Variants in SORCS2 observed in about 807,000 individuals in gnomAD.
SORCS2 encodes VPS10 domain-containing receptor SorCS2.
A neutral mutation model predicts 141.6 loss-of-function variants in SORCS2; 100 were observed. The ratio of observed to expected loss-of-function variants is 0.71; its 90% CI spans 0.60 to 0.83. The LOEUF (loss-of-function observed/expected upper bound fraction) is 0.83, where lower values mean the gene tolerates loss of function less well. Ranked by LOEUF, SORCS2 falls within the 40% of genes least tolerant of loss-of-function variation. The pLI, the probability that SORCS2 is intolerant of heterozygous loss-of-function variation, is 0.00. For synonymous variants in SORCS2, 789 were observed against 676.9 expected, an observed-to-expected ratio of 1.17 and a Z score of -2.57; for missense variants, 1,646 against 1,560.2, an observed-to-expected ratio of 1.05 and a Z score of -0.93.
At chr4:7,488,205 T>C (rs1365116192) in intron 2 of SORCS2, among the ~76,000 whole-genome samples, 1 of 152,194 alleles carries the variant, frequency 6.6e-6, no homozygotes, top group African/African-American at 2.4e-5. Flanking sequence ...GGCTGTCTGC[T>C]CTCCCCTGTC....
At chr4:7,619,098 T>TC (rs1718969251) in intron 3 of SORCS2, among the ~76,000 whole-genome samples, 1 of 152,138 alleles carries the variant, frequency 6.6e-6, no homozygotes, top group Non-Finnish European at 1.5e-5. Context: ...TCTGGGCAAG[T>TC]TGGTGAGCCT....
At chr4:7,417,017 C>G (rs749528397) in intron 2 of SORCS2, among the ~76,000 whole-genome samples, 6 of 152,208 alleles carry the variant, frequency 3.9e-5, no homozygotes, top group Non-Finnish European at 7.3e-5. Context: ...GTCTCCTGCT[C>G]TTTGCATTAA....
intron 4 of SORCS2, among the ~76,000 whole-genome samples, chr4:7,640,726 A>G (rs1273966968): frequency 6.6e-6 from 1 of 151,936 alleles, no homozygotes; most frequent in African/African-American, 2.4e-5. Context: ...TTTGGGGGCC[A>G]CTCTGAACCT....
At chr4:7,571,186 G>A (rs1420178847) in intron 3 of SORCS2, among the ~76,000 whole-genome samples, 2 of 152,218 alleles carry the variant, frequency 1.3e-5, no homozygotes, top group African/African-American at 4.8e-5. Context: ...TACTCGTTAG[G>A]TTTTTCCGCA....
chr4:7,533,008 C>T (rs1711789362), intron 3 of SORCS2, among the ~76,000 whole-genome samples: 1 of 151,832 alleles, frequency 6.6e-6, no homozygotes, highest in African/African-American at 2.4e-5. Context: ...CTGAGCCAGC[C>T]CCTGCTTCTT....
chr4:7,561,617 CGTCT>C (rs1186514002), intron 3 of SORCS2, among the ~76,000 whole-genome samples: 6 of 148,980 alleles, frequency 4.0e-5, no homozygotes, highest in South Asian at 2.1e-4. Context: ...TCTACCCATC[CGTCT>C]ATCTACCCAT....
rs547724333 is a variant in SORCS2 at position 7,579,519 on chromosome 4, C to G, written c.648+47890C>G. Among the ~76,000 whole-genome samples the G allele has an allele frequency of 4.2e-4, 64 of 152,272 alleles. 1 individual carries two copies. Among genetic ancestry groups the G allele is most frequent in the African/African-American group, 1.5e-3 (63 of 41,558 alleles). On this transcript the variant is annotated intron_variant, in intron 3 of 26. Coordinates refer to ENST00000507866, the MANE Select transcript of SORCS2 (RefSeq NM_020777.3). ...CAAGTGGAGGAGCCAGGACTGGAAC[C>G]CTCCCCTTGGTCCTCCGACCTCCTT...
intron 1 of SORCS2, among the ~76,000 whole-genome samples, chr4:7,331,598 C>CT: frequency 6.6e-6 from 1 of 152,210 alleles, no homozygotes; most frequent in Non-Finnish European, 1.5e-5. Context: ...AGGGAAGGGC[C>CT]TGTCTTTAAG....
At chr4:7,662,266 C>T (rs1000919392) in intron 6 of SORCS2, among the ~76,000 whole-genome samples, 1 of 137,952 alleles carries the variant, frequency 7.2e-6, no homozygotes, top group East Asian at 2.4e-4. Flanking sequence ...CTTGGGCAGG[C>T]GGGGCCAGTG....
At chr4:7,409,740 C>A (rs760532818) in intron 2 of SORCS2, among the ~76,000 whole-genome samples, 2 of 152,206 alleles carry the variant, frequency 1.3e-5, no homozygotes, top group Admixed American at 6.5e-5. Flanking sequence ...TTCTTACCAT[C>A]TGCTCTGAGT....
intron 17 of SORCS2, among the ~76,000 whole-genome samples, chr4:7,716,359 C>T (rs1412097058): frequency 1.3e-5 from 2 of 152,096 alleles, no homozygotes; most frequent in Non-Finnish European, 2.9e-5. Flanking sequence ...TCCCATCTAC[C>T]CATTTATCCA....
At chr4:7,241,597 A>G (rs1420446450) in intron 1 of SORCS2, among the ~76,000 whole-genome samples, 1 of 152,076 alleles carries the variant, frequency 6.6e-6, no homozygotes, top group African/African-American at 2.4e-5. Context: ...TCTGGGGTGC[A>G]TGGTTTGGTT....
At chr4:7,461,657 A>T (rs1353664196) in intron 2 of SORCS2, among the ~76,000 whole-genome samples, 9 of 152,246 alleles carry the variant, frequency 5.9e-5, no homozygotes, top group African/African-American at 2.2e-4. Flanking sequence ...GGTGACAGAG[A>T]AAACCCAGCG....
intron 1 of SORCS2, among the ~76,000 whole-genome samples, chr4:7,340,295 T>C (rs1720291121): frequency 6.6e-6 from 1 of 152,222 alleles, no homozygotes; most frequent in Non-Finnish European, 1.5e-5. Context: ...GCCATGCCAT[T>C]GCACACAGTG....
chr4:7,415,570 C>A (rs1577523333), intron 2 of SORCS2, among the ~76,000 whole-genome samples: 2 of 152,236 alleles, frequency 1.3e-5, no homozygotes, highest in South Asian at 4.1e-4. Context: ...CTTAATCAGA[C>A]CTGCAAAGTC....
intron 1 of SORCS2, among the ~76,000 whole-genome samples, chr4:7,281,143 G>A (rs1715847554): frequency 1.3e-5 from 2 of 152,148 alleles, no homozygotes; most frequent in Admixed American, 1.3e-4. Flanking sequence ...ACACCCGGAG[G>A]CCTTCAGTGT....
intron 2 of SORCS2, among the ~76,000 whole-genome samples, chr4:7,449,933 A>G (rs1488939498): frequency 6.6e-6 from 1 of 152,136 alleles, no homozygotes; most frequent in Non-Finnish European, 1.5e-5. Context: ...AAAATTCTCG[A>G]TCCTTGAAAT....
At chr4:7,210,489 C>T (rs1312167553) in intron 1 of SORCS2, among the ~76,000 whole-genome samples, 2 of 152,160 alleles carry the variant, frequency 1.3e-5, no homozygotes, top group Non-Finnish European at 2.9e-5. Flanking sequence ...CTGTGTTGCC[C>T]AGGCTGGTGT....
chr4:7,338,312 A>G (rs1720141157), intron 1 of SORCS2, among the ~76,000 whole-genome samples: 1 of 144,438 alleles, frequency 6.9e-6, no homozygotes, highest in Non-Finnish European at 1.5e-5. Flanking sequence ...GGATGGATGG[A>G]TGTCGGTTGG....
Sources: gnomAD v4.1 joint callset for allele counts (sites outside exome capture counted in the v4.1 genomes callset) on GRCh38, gnomAD v4.1.1 for gene constraint, MANE v1.5 for transcripts, NCBI Gene and HGNC (gene_info 2026-07-23, HGNC 2026-07-21) for gene names.